Variants in GABRB2 observed in about 807,000 individuals in gnomAD.
GABRB2 encodes the protein gamma-aminobutyric acid type A receptor subunit beta2.
In GABRB2, 16 loss-of-function variants were observed where a neutral mutation model predicts 54.7. That is an observed-to-expected ratio of 0.29 (90% confidence interval 0.20 to 0.44). The LOEUF is 0.44. GABRB2 is among the 20% of genes least tolerant of loss of function. The pLI, the probability that GABRB2 is intolerant of heterozygous loss-of-function variation, is 1.00. For missense variants in GABRB2, 355 were observed against 644.0 expected, an observed-to-expected ratio of 0.55 and a Z score of 4.86; for synonymous variants, 244 against 233.8, an observed-to-expected ratio of 1.04 and a Z score of -0.40.
intron 5 of GABRB2, among the ~76,000 whole-genome samples, chr5:161,391,189 T>G (rs1259769190): frequency 6.6e-6 from 1 of 152,194 alleles, no homozygotes; most frequent in Non-Finnish European, 1.5e-5. Flanking sequence ...ATGACAGATT[T>G]TCTTAAATTC....
chr5:161,434,324 C>G (rs1370768288), intron 4 of GABRB2, among the ~76,000 whole-genome samples: 1 of 152,136 alleles, frequency 6.6e-6, no homozygotes, highest in African/African-American at 2.4e-5. Context: ...AAATTGATTT[C>G]TAGGTTATCA....
At chr5:161,421,944 T>A (rs936614126) in intron 4 of GABRB2, among the ~76,000 whole-genome samples, 1 of 152,166 alleles carries the variant, frequency 6.6e-6, no homozygotes, top group Admixed American at 6.6e-5. Flanking sequence ...ACCACAAATA[T>A]GTATTAGAAA....
At chr5:161,323,982 G>A (rs1044327722) in intron 9 of GABRB2, among the ~76,000 whole-genome samples, 1 of 152,108 alleles carries the variant, frequency 6.6e-6, no homozygotes, top group Admixed American at 6.6e-5. Flanking sequence ...AAACCTGTCA[G>A]CAATGTGATG....
chr5:161,299,677 T>C (rs964570194), intron 9 of GABRB2, among the ~76,000 whole-genome samples: 2 of 152,082 alleles, frequency 1.3e-5, no homozygotes, highest in Non-Finnish European at 2.9e-5. Context: ...CTTATTCCTC[T>C]TTCTCACCTG....
At chr5:161,371,073 A>T (rs761304927) in intron 5 of GABRB2, among the ~76,000 whole-genome samples, 2 of 152,136 alleles carry the variant, frequency 1.3e-5, no homozygotes, top group African/African-American at 2.4e-5. Context: ...AGCTGGTCAG[A>T]CTGGGCACTA....
At chr5:161,412,476 T>A (rs374386792) in intron 4 of GABRB2, among the ~76,000 whole-genome samples, 1 of 151,970 alleles carries the variant, frequency 6.6e-6, no homozygotes, top group South Asian at 2.1e-4. Flanking sequence ...AGGAGCTTGG[T>A]CTCCCAGCCA....
chr5:161,411,181 A>C (rs1756507617), intron 4 of GABRB2, 124 bp from the exon 5 acceptor site: 1 of 655,642 alleles, frequency 1.5e-6, no homozygotes, highest in Admixed American at 2.7e-5. Flanking sequence ...TGACTGATGC[A>C]ACTTTGGATA....
At chr5:161,442,634 C>T (rs1561651756) in intron 4 of GABRB2, among the ~76,000 whole-genome samples, 1 of 152,172 alleles carries the variant, frequency 6.6e-6, no homozygotes, top group African/African-American at 2.4e-5. Flanking sequence ...CCCATGGACT[C>T]CACAGGTGGC....
At chr5:161,460,006 A>G (rs1317384603) in intron 3 of GABRB2, among the ~76,000 whole-genome samples, 162 bp from the exon 4 acceptor site, 2 of 152,190 alleles carry the variant, frequency 1.3e-5, no homozygotes. Flanking sequence ...GTGCACTGGC[A>G]CGATCTCGGC....
chr5:161,340,718 A>G (rs187884926), intron 5 of GABRB2, among the ~76,000 whole-genome samples: 1 of 152,160 alleles, frequency 6.6e-6, no homozygotes, highest in Admixed American at 6.6e-5. Context: ...GCAGATAATA[A>G]CAAATATTTC....
chr5:161,545,632 AC>A (rs1443506501), intron 2 of GABRB2, among the ~76,000 whole-genome samples: 3 of 146,532 alleles, frequency 2.0e-5, no homozygotes, highest in Admixed American at 6.8e-5. Context: ...TTGCGCTGAA[AC>A]CCCCTCCTCC....
chr5:161,296,016 CT>C (rs1757371466), intron 9 of GABRB2, among the ~76,000 whole-genome samples: 1 of 152,178 alleles, frequency 6.6e-6, no homozygotes. Context: ...AGTACCAGTG[CT>C]TTGCAGCAAC....
At chr5:161,389,089 T>C (rs1263711067) in intron 5 of GABRB2, among the ~76,000 whole-genome samples, 2 of 152,048 alleles carry the variant, frequency 1.3e-5, no homozygotes, top group African/African-American at 4.8e-5. Context: ...CTTGAAAATA[T>C]TGATTACTTA....
intron 4 of GABRB2, among the ~76,000 whole-genome samples, chr5:161,452,848 T>A (rs1757829473): frequency 6.6e-6 from 1 of 152,012 alleles, no homozygotes; most frequent in Admixed American, 6.6e-5. Context: ...ATACAAGAAA[T>A]ACCCAGGTGT....
Position 161,294,241 on chromosome 5 carries a change from A to G in GABRB2, c.1379T>C (p.Val460Ala), listed in dbSNP as rs1757316004. ...SFGRNALERH[V>A]AQKKSRLRRR... ...CCTCAGGCGACTTTTCTTTTGCGCC[A>G]CATGTCGTTCCAGAGCATTTCGGCC... Residue 460 changes from valine to alanine, a missense_variant, in exon 10 of 10, where the codon GTG (valine) becomes GCG (alanine). Val to Ala is a moderately conservative substitution (Grantham distance 64). Around this residue, in one of 6 missense-constraint regions of GABRB2, gnomAD observed 201 missense variants for 228.1 expected, o/e 0.88. Coordinates refer to ENST00000393959, the MANE Select transcript of GABRB2 (RefSeq NM_001371727.1). The G allele has an allele frequency of 6.2e-7, 1 of 1,614,028 alleles. No individual in the cohort carries two copies. Among genetic ancestry groups the G allele is most frequent in the East Asian group, 2.2e-5 (1 of 44,888 alleles).
At chr5:161,322,609 A>AT (rs944553810) in intron 9 of GABRB2, among the ~76,000 whole-genome samples, 4 of 151,948 alleles carry the variant, frequency 2.6e-5, no homozygotes, top group African/African-American at 7.3e-5. Flanking sequence ...TTTCTATTCC[A>AT]TTTTTTTCCA....
Position 161,428,671 on chromosome 5 carries a change from T to C in GABRB2, c.459-17614A>G, listed in dbSNP as rs1757082850. Among the ~76,000 whole-genome samples the C allele has an allele frequency of 2.0e-5, 3 of 152,330 alleles. No individual in the cohort carries two copies. The South Asian group carries it at 6.2e-4, about 32-fold the overall frequency. Reference sequence around the variant, plus strand: ...CAATAAATGAATATTAATCTATTCATAGATAGCCTTCATTCAGCATGGTGC... The same window carrying C: ...CAATAAATGAATATTAATCTATTCACAGATAGCCTTCATTCAGCATGGTGC... On this transcript the variant is annotated intron_variant, in intron 4 of 9. Transcript: ENST00000393959.
At chr5:161,383,559 C>T (rs965238328) in intron 5 of GABRB2, among the ~76,000 whole-genome samples, 6 of 152,154 alleles carry the variant, frequency 3.9e-5, no homozygotes, top group African/African-American at 1.4e-4. Flanking sequence ...AAATTAAATA[C>T]TATCAAAAAT....
At chr5:161,368,724 C>T (rs1755044497) in intron 5 of GABRB2, among the ~76,000 whole-genome samples, 2 of 152,132 alleles carry the variant, frequency 1.3e-5, no homozygotes, top group South Asian at 4.1e-4. Flanking sequence ...CCAAACAAGA[C>T]ATGATAAAGA....
Sources: allele counts gnomAD v4.1 joint callset (sites outside exome capture counted in the v4.1 genomes callset), GRCh38; gene constraint gnomAD v4.1.1; regional missense constraint gnomAD v4.1.1; transcripts MANE v1.5; gene names NCBI Gene and HGNC (gene_info 2026-07-23, HGNC 2026-07-21).